SPTB: variants seen among roughly 807,000 people sequenced by gnomAD.
SPTB encodes the protein spectrin beta chain, erythrocytic.
SPTB carries 45 observed loss-of-function variants against 256.2 expected under a neutral mutation model. The observed-to-expected ratio is 0.18, with a 90% CI of 0.14 to 0.23. SPTB has a LOEUF of 0.23. Among genes scored for constraint, SPTB ranks in the 10% least tolerant of loss-of-function variants. The probability of loss-of-function intolerance (pLI) is 1.00; values close to 1 mark genes in which losing one functional copy is unlikely to be tolerated. For synonymous variants in SPTB, 1,231 were observed against 1,243.1 expected, an observed-to-expected ratio of 0.99 and a Z score of 0.21; for missense variants, 2,715 against 3,040.4, an observed-to-expected ratio of 0.89 and a Z score of 2.52.
chr14:64,750,698 C>T (rs1048018367), intron 33 of SPTB, among the ~76,000 whole-genome samples: 4 of 151,646 alleles, frequency 2.6e-5, no homozygotes, highest in African/African-American at 7.3e-5. Flanking sequence ...ATCGCTTGAA[C>T]CCGGGAGGCG....
In SPTB at chr14:64,767,767, G is replaced by A. The variant is rs373697277; in HGVS notation, c.6115C>T (p.His2039Tyr). Residue 2039 changes from histidine (H) to tyrosine (Y), a missense_variant, in exon 30 of 36, where the codon CAC becomes TAC. This residue lies in a region of SPTB where 2,239 missense variants were observed against 2,384.4 expected (regional missense o/e 0.94). Coordinates refer to ENST00000644917, the MANE Select transcript of SPTB (RefSeq NM_001355436.2). ...EPYLASGDFG[H>Y]TVDSVEKLIK... The stretch of plus-strand genomic sequence containing the variant: ...AGCTTCTCCACACTGTCCACTGTGT[G>A]TCCAAAGTCCCCGCTGGCCAGGTAG... 1.3e-4 allele frequency: 203 copies of A among 1,614,080 alleles called. No homozygotes were observed. The highest frequency in any genetic ancestry group is 1.7e-4 in the Non-Finnish European group (195 of 1,180,058).
chr14:64,872,349 C>A (rs958014298), intron 1 of SPTB, among the ~76,000 whole-genome samples: 2 of 152,190 alleles, frequency 1.3e-5, no homozygotes, highest in Admixed American at 1.3e-4. Flanking sequence ...TCCATCCTCT[C>A]GTCCTGAACC....
chr14:64,759,977 T>G lies in SPTB; in HGVS notation c.6346-6184A>C, dbSNP rs1274714013. Among the ~76,000 whole-genome samples, 1 of 152,020 alleles carries G rather than the reference T, an allele frequency of 6.6e-6. No individual in the cohort carries two copies. Among genetic ancestry groups the G allele is most frequent in the Non-Finnish European group, 1.5e-5 (1 of 68,002 alleles). On this transcript the variant is annotated intron_variant, in intron 32 of 35. Coordinates refer to ENST00000644917, the MANE Select transcript of SPTB (RefSeq NM_001355436.2). This position sits in a 1 kb window ranked among gnomAD's most constrained non-coding sequence, Gnocchi z 4.8. The stretch of plus-strand genomic sequence containing the variant: ...AGGGGGAGGTGTCTGAGGAGCTGTG[T>G]GTACTGGCTGTGGGATCATGACATC...
At chr14:64,767,563 C>T in intron 30 of SPTB, 100 bp downstream of exon 30, 2 of 1,510,302 alleles carry the variant, frequency 1.3e-6, no homozygotes, top group Non-Finnish European at 1.8e-6. Context: ...GCCTGTCACA[C>T]CATTCTAAGT....
At position 64,749,170 on chromosome 14, in the gene SPTB, AGCGTGGGGCCCGG is replaced by A; in HGVS notation, c.*123_*135del. 9.4e-7 allele frequency: 1 copy of A among 1,062,188 alleles called. No homozygotes were observed. Among genetic ancestry groups the A allele is most frequent in the East Asian group, 2.8e-5 (1 of 36,146 alleles). The allele number at this position is 1,062,188 out of a possible 1,614,324, so 65.8% of individuals were successfully genotyped here. A position where few individuals can be genotyped will look rare whatever the true frequency, so the allele number is the denominator to read the frequency against. Reference sequence around the variant, plus strand: ...CGGGCGAAGGCAGCTTTTGCAGTGCAGCGTGGGGCCCGGGGGCCCGGCCCGCGACTCGACTCAT... The same window carrying A: ...CGGGCGAAGGCAGCTTTTGCAGTGCAGGGCCCGGCCCGCGACTCGACTCAT... On this transcript the variant is annotated 3_prime_UTR_variant, in exon 36 of 36. Transcript: ENST00000644917. The surrounding 1 kb of genome is among the most constrained non-coding windows in gnomAD (Gnocchi z 4.7).
chr14:64,793,638 T>A lies in SPTB; in HGVS notation c.2025A>T (p.Leu675Phe), dbSNP rs1297984865. 1 of 1,614,062 alleles carries A rather than the reference T, an allele frequency of 6.2e-7. No individual in the cohort carries two copies. Among genetic ancestry groups the A allele is most frequent in the African/African-American group, 1.3e-5 (1 of 74,934 alleles). ...CCTCAAAGGCCTTGTGCTTGCGCTG[T>A]AAGATGAGCACACTGGTCAGGTCTT... ...YGKDLTSVLI[L>F]QRKHKAFEDE... is the part of the protein sequence containing the mutation. The change falls in exon 14 of 36, where the codon TTA becomes TTT. Residue 675 changes from leucine (L) to phenylalanine (F), a missense_variant. Physicochemically the swap from Leu to Phe is conservative, Grantham distance 22. Coordinates refer to ENST00000644917, the MANE Select transcript of SPTB (RefSeq NM_001355436.2). This position sits in a 1 kb window ranked among gnomAD's most constrained non-coding sequence, Gnocchi z 7.0.
At position 64,823,128 on chromosome 14, in the gene SPTB, G is replaced by C. The variant is rs2083323607; in HGVS notation, c.-34C>G. The C allele has an allele frequency of 6.2e-7, 1 of 1,613,908 alleles. No homozygotes were observed. Among genetic ancestry groups the C allele is most frequent in the Non-Finnish European group, 8.5e-7 (1 of 1,179,868 alleles). On this transcript the variant is annotated 5_prime_UTR_variant, in exon 2 of 36. Transcript: ENST00000644917. This position sits in a 1 kb window ranked among gnomAD's most constrained non-coding sequence, Gnocchi z 6.5. ...GCTCTTAGCAGCTCCGCCTGCCTCAGTCTTCATGGAAGGATCCCTGGGGGA... is the reference window on the plus strand; with the variant it reads ...GCTCTTAGCAGCTCCGCCTGCCTCACTCTTCATGGAAGGATCCCTGGGGGA...
chr14:64,796,816 AG>A lies in SPTB; in HGVS notation c.1183-102del, dbSNP rs1300463360. ...CAACACTGAGTGATTTCTGGAATCA[AG>A]GTACAGCCTGATGCTCTTGGGTGAC... On this transcript the variant is annotated intron_variant, in intron 10 of 35. Transcript: ENST00000644917. This position sits in a 1 kb window ranked among gnomAD's most constrained non-coding sequence, Gnocchi z 4.1. 5 of 1,476,910 alleles carry A rather than the reference AG, an allele frequency of 3.4e-6. No homozygotes were observed. The African/African-American group carries it at 6.9e-5, about 20-fold the overall frequency. The allele number at this position is 1,476,910 out of a possible 1,614,324, so 91.5% of individuals were successfully genotyped here.
chr14:64,761,272 G>A (rs1234976054), intron 32 of SPTB, among the ~76,000 whole-genome samples: 1 of 152,220 alleles, frequency 6.6e-6, no homozygotes, highest in Admixed American at 6.5e-5. Context: ...GTTTGCAAGA[G>A]AAGAAAAAGA....
intron 2 of SPTB, among the ~76,000 whole-genome samples, chr14:64,813,773 G>C (rs1201376872): frequency 1.3e-5 from 2 of 152,300 alleles, no homozygotes; most frequent in Middle Eastern, 3.4e-3. Context: ...TGCTCCACCT[G>C]CCTTGGCCTC....
intron 1 of SPTB, among the ~76,000 whole-genome samples, chr14:64,830,210 T>C (rs895419543): frequency 2.0e-5 from 3 of 151,868 alleles, no homozygotes; most frequent in Non-Finnish European, 4.4e-5. Context: ...AGGCTCCTTA[T>C]AGGCATCAGC....
At chr14:64,774,225 C>T (rs1012256066) in intron 24 of SPTB, among the ~76,000 whole-genome samples, 172 bp downstream of exon 24, 2 of 152,176 alleles carry the variant, frequency 1.3e-5, no homozygotes, top group Non-Finnish European at 2.9e-5. Flanking sequence ...TCACACAAAA[C>T]CAAGGCATAA....
intron 1 of SPTB, among the ~76,000 whole-genome samples, chr14:64,851,554 C>G (rs2139776766): frequency 6.6e-6 from 1 of 152,200 alleles, no homozygotes; most frequent in South Asian, 2.1e-4. Flanking sequence ...TATTTGGGCT[C>G]ATTCACTCTT....
intron 18 of SPTB, 74 bp from the exon 19 acceptor site, chr14:64,784,467 T>TG: frequency 1.9e-6 from 3 of 1,577,986 alleles, no homozygotes; most frequent in South Asian, 1.1e-5. Context: ...TGCCCATCCC[T>TG]GGCTGCAGAA....
chr14:64,771,801 A>G (rs2139498905), intron 26 of SPTB, among the ~76,000 whole-genome samples: 1 of 152,320 alleles, frequency 6.6e-6, no homozygotes, highest in Middle Eastern at 3.4e-3. Context: ...CACTTCCCTA[A>G]GAGGTCCCCT....
rs958930268 is a variant in SPTB, at chr14:64,873,643, A to G, written c.-52+6149T>C. 6.6e-6 allele frequency among the ~76,000 whole-genome samples: 1 copy of G among 152,214 alleles called. No individual in the cohort carries two copies. Among genetic ancestry groups the G allele is most frequent in the Non-Finnish European group, 1.5e-5 (1 of 68,042 alleles). On this transcript the variant is annotated intron_variant, in intron 1 of 35. Transcript: ENST00000644917. This position sits in a 1 kb window ranked among gnomAD's most constrained non-coding sequence, Gnocchi z 4.3. ...TACCATTAACAAGTGTCTTCTCTCCAGAACCAATGAACTTATGTGGAATAT... is the reference window on the plus strand; with the variant it reads ...TACCATTAACAAGTGTCTTCTCTCCGGAACCAATGAACTTATGTGGAATAT...
intron 1 of SPTB, among the ~76,000 whole-genome samples, chr14:64,859,109 C>T (rs2083918274): frequency 1.3e-5 from 2 of 150,834 alleles, no homozygotes; most frequent in South Asian, 4.1e-4. Context: ...AAAAAATTAG[C>T]CAGACGTGGT....
Position 64,792,441 on chromosome 14 carries a change from CCTT to C in SPTB, c.2666+553_2666+555del, listed in dbSNP as rs2082690087. On this transcript the variant is annotated intron_variant, in intron 14 of 35. Transcript: ENST00000644917. This position sits in a 1 kb window ranked among gnomAD's most constrained non-coding sequence, Gnocchi z 4.2. Reference sequence around the variant, plus strand: ...GGCACTGTTCCAGAGAGCGGCCTCTCCTTCTCCTGACTGCCTGAATTCTGTGCT... The same window carrying C: ...GGCACTGTTCCAGAGAGCGGCCTCTCCTCCTGACTGCCTGAATTCTGTGCT... 6.6e-6 allele frequency among the ~76,000 whole-genome samples: 1 copy of C among 152,326 alleles called. No homozygotes were observed. The highest frequency in any genetic ancestry group is 3.4e-3 in the Middle Eastern group (1 of 294).
intron 22 of SPTB, among the ~76,000 whole-genome samples, chr14:64,776,569 T>C (rs749771295): frequency 6.6e-6 from 1 of 152,136 alleles, no homozygotes; most frequent in Non-Finnish European, 1.5e-5. Context: ...GCCTCCCAAG[T>C]AGCTTGGACT....
Sources: allele counts gnomAD v4.1 joint callset (sites outside exome capture counted in the v4.1 genomes callset), GRCh38; gene constraint gnomAD v4.1.1; regional missense constraint gnomAD v4.1.1; non-coding constraint Gnocchi (gnomAD v3.1); transcripts MANE v1.5; gene names NCBI Gene and HGNC (gene_info 2026-07-23, HGNC 2026-07-21).